Variants in RARB observed in about 807,000 individuals in gnomAD.
RARB encodes retinoic acid receptor beta.
A neutral mutation model predicts 51.9 loss-of-function variants in RARB; 17 were observed. The observed-to-expected ratio is 0.33, with a 90% CI of 0.22 to 0.49. The LOEUF is 0.49. Ranked by LOEUF, RARB falls within the 20% of genes least tolerant of loss-of-function variation. The pLI, the probability that RARB is intolerant of heterozygous loss-of-function variation, is 0.99. For synonymous variants in RARB, 215 were observed against 195.4 expected, an observed-to-expected ratio of 1.10 and a Z score of -0.84; for missense variants, 369 against 550.8, an observed-to-expected ratio of 0.67 and a Z score of 3.30.
At chr3:25,205,746 CT>C (rs35271565) in intron 5 of RARB, among the ~76,000 whole-genome samples, 14,751 of 147,506 alleles carry the variant, frequency 0.1, 948 homozygotes, top group South Asian at 0.25. Flanking sequence ...TATTAAAAAC[CT>C]TTTTTTTTTT....
chr3:25,362,429 A>G (rs11925784), intron 5 of RARB, among the ~76,000 whole-genome samples: 4,266 of 152,142 alleles, frequency 0.028, 233 homozygotes, highest in African/African-American at 0.097. Context: ...CTGGGCTCCA[A>G]TGAGCAAGAC....
intron 3 of RARB, among the ~76,000 whole-genome samples, chr3:25,567,374 G>A (rs985641699): frequency 6.7e-6 from 1 of 150,160 alleles, no homozygotes; most frequent in African/African-American, 2.5e-5. Flanking sequence ...GGCCTGTTCT[G>A]GACATCCATA....
At chr3:25,143,381 A>G (rs1057340617) in intron 4 of RARB, among the ~76,000 whole-genome samples, 1 of 152,102 alleles carries the variant, frequency 6.6e-6, no homozygotes, top group South Asian at 2.1e-4. Flanking sequence ...TTCCCAAAAA[A>G]CCCCTCTAGT....
At chr3:24,836,327 T>G (rs1457654745) in intron 1 of RARB, among the ~76,000 whole-genome samples, 1 of 152,206 alleles carries the variant, frequency 6.6e-6, no homozygotes, top group Non-Finnish European at 1.5e-5. Flanking sequence ...TGGCAATCAG[T>G]GCTGTGTGTC....
intron 2 of RARB, among the ~76,000 whole-genome samples, chr3:24,948,695 G>T (rs977206918): frequency 2.6e-5 from 4 of 152,152 alleles, no homozygotes; most frequent in Non-Finnish European, 5.9e-5. Context: ...GGATTGGATC[G>T]TGGGGGCAGA....
At chr3:25,004,762 G>C (rs1033448650) in intron 2 of RARB, among the ~76,000 whole-genome samples, 2 of 152,132 alleles carry the variant, frequency 1.3e-5, no homozygotes, top group African/African-American at 4.8e-5. Context: ...TGGTAAATGA[G>C]ACAACTGAAA....
At chr3:24,958,699 G>A (rs1696076251) in intron 2 of RARB, among the ~76,000 whole-genome samples, 1 of 152,166 alleles carries the variant, frequency 6.6e-6, no homozygotes, top group Non-Finnish European at 1.5e-5. Flanking sequence ...ATAGAGTCCT[G>A]GAGTTTGTAA....
At chr3:25,532,881 T>G (rs147213123) in intron 3 of RARB, among the ~76,000 whole-genome samples, 3 of 152,278 alleles carry the variant, frequency 2.0e-5, no homozygotes, top group African/African-American at 7.2e-5. Context: ...TTCAGGACAT[T>G]TAAAGTTCAC....
chr3:25,096,708 G>C (rs780226483), intron 3 of RARB, among the ~76,000 whole-genome samples: 15 of 152,090 alleles, frequency 9.9e-5, no homozygotes, highest in Non-Finnish European at 1.2e-4. Flanking sequence ...GAGTGGGTGT[G>C]TTTCACCTCC....
chr3:25,389,005 A>G (rs1706872958), intron 5 of RARB, among the ~76,000 whole-genome samples: 1 of 152,204 alleles, frequency 6.6e-6, no homozygotes, highest in South Asian at 2.1e-4. Context: ...ACAGAAACAT[A>G]ATGCCGGTTG....
chr3:25,566,116 T>C (rs1700484067), intron 3 of RARB, among the ~76,000 whole-genome samples: 1 of 152,188 alleles, frequency 6.6e-6, no homozygotes, highest in Non-Finnish European at 1.5e-5. Flanking sequence ...CGTGGCTTCT[T>C]GTGCACTGTG....
chr3:25,516,164 C>A (rs1436719433), intron 3 of RARB, among the ~76,000 whole-genome samples: 2 of 152,178 alleles, frequency 1.3e-5, no homozygotes, highest in Non-Finnish European at 2.9e-5. Context: ...TTGCATCAAC[C>A]CACCTAACTA....
chr3:25,546,341 C>T (rs561040618), intron 3 of RARB, among the ~76,000 whole-genome samples: 4 of 152,088 alleles, frequency 2.6e-5, no homozygotes, highest in East Asian at 1.9e-4. Context: ...TCTGCTCCGT[C>T]GAGCACAGAC....
chr3:25,149,973 A>G (rs895104040), intron 4 of RARB, among the ~76,000 whole-genome samples: 8 of 152,110 alleles, frequency 5.3e-5, no homozygotes, highest in African/African-American at 1.9e-4. Context: ...AGGCCGAGGT[A>G]GGTGGATCAC....
At chr3:25,393,071 C>T (rs1000563315) in intron 5 of RARB, among the ~76,000 whole-genome samples, 9 of 152,002 alleles carry the variant, frequency 5.9e-5, no homozygotes, top group East Asian at 1.9e-4. Flanking sequence ...CCTTCTATGC[C>T]GATTTTGCTG....
intron 5 of RARB, among the ~76,000 whole-genome samples, chr3:25,289,101 TTC>T (rs1703723191): frequency 6.6e-6 from 1 of 152,226 alleles, no homozygotes; most frequent in Non-Finnish European, 1.5e-5. Flanking sequence ...TTTCAGCTGT[TTC>T]ACGTAGTGGA....
intron 5 of RARB, among the ~76,000 whole-genome samples, chr3:25,248,604 C>T (rs986605583): frequency 6.6e-6 from 1 of 152,018 alleles, no homozygotes; most frequent in Non-Finnish European, 1.5e-5. Flanking sequence ...GTAGGACTCC[C>T]TTAAAGCATT....
intron 2 of RARB, among the ~76,000 whole-genome samples, chr3:25,004,095 A>G (rs1211449415): frequency 6.6e-6 from 1 of 152,138 alleles, no homozygotes; most frequent in East Asian, 1.9e-4. Context: ...TCACGGACTC[A>G]AGTTTTCTCT....
intron 5 of RARB, among the ~76,000 whole-genome samples, chr3:25,371,423 T>C (rs1329821738): frequency 6.6e-6 from 1 of 152,234 alleles, no homozygotes; most frequent in East Asian, 1.9e-4. Flanking sequence ...GAGATGGTGC[T>C]GGCAGGTCAA....
Sources: gnomAD v4.1 joint callset for allele counts (sites outside exome capture counted in the v4.1 genomes callset) on GRCh38, gnomAD v4.1.1 for gene constraint, MANE v1.5 for transcripts, NCBI Gene and HGNC (gene_info 2026-07-23, HGNC 2026-07-21) for gene names.